Variants in CNTN5 observed in about 807,000 individuals in gnomAD.
CNTN5 encodes the protein contactin-5.
Under a neutral mutation model 129.1 loss-of-function variants are expected in CNTN5, and 77 were observed. The observed-to-expected ratio is 0.60, with a 90% CI of 0.50 to 0.72. The LOEUF (loss-of-function observed/expected upper bound fraction) is 0.72. CNTN5 is among the 30% of genes least tolerant of loss of function. The pLI, the probability that CNTN5 is intolerant of heterozygous loss-of-function variation, is 0.00. For synonymous variants in CNTN5, 509 were observed against 465.6 expected (o/e 1.09, Z -1.20); for missense variants, 1,478 against 1,328.8 (o/e 1.11, Z -1.75).
intron 1 of CNTN5, among the ~76,000 whole-genome samples, chr11:99,059,679 G>T (rs1864793801): frequency 6.6e-6 from 1 of 151,922 alleles, no homozygotes; most frequent in South Asian, 2.1e-4. Flanking sequence ...TGAGTTTCCA[G>T]TCTCTCTATT....
chr11:100,249,862 C>T (rs1949928508), intron 16 of CNTN5, among the ~76,000 whole-genome samples: 1 of 152,028 alleles, frequency 6.6e-6, no homozygotes, highest in African/African-American at 2.4e-5. Flanking sequence ...GAAGCTTATG[C>T]CAGGCAGCAT....
chr11:99,945,765 G>T (rs1283531479), intron 7 of CNTN5, among the ~76,000 whole-genome samples: 1 of 151,840 alleles, frequency 6.6e-6, no homozygotes, highest in Non-Finnish European at 1.5e-5. Context: ...TTTTTCTATG[G>T]TGCCACATTA....
intron 1 of CNTN5, among the ~76,000 whole-genome samples, chr11:99,251,871 C>T (rs1375268773): frequency 6.6e-6 from 1 of 151,866 alleles, no homozygotes; most frequent in Non-Finnish European, 1.5e-5. Context: ...GTGAGGAAAA[C>T]AGTGAGAGAG....
rs911704956 is a variant in CNTN5, at chr11:99,747,648, A to AT, written c.56-71890dup. 4.0e-3 allele frequency among the ~76,000 whole-genome samples: 598 copies of AT among 150,664 alleles called. 6 individuals carry two copies. The highest frequency in any genetic ancestry group is 0.014 in the African/African-American group (579 of 41,100). On this transcript the variant is annotated intron_variant, in intron 3 of 24. Coordinates refer to ENST00000524871, the MANE Select transcript of CNTN5 (RefSeq NM_014361.4). Reference sequence around the variant, plus strand: ...CCATGCCTGGCTAACTTTTTTTTGTATTTTTTAGTAGAGACGAGGTTTCAC... The same window carrying AT: ...CCATGCCTGGCTAACTTTTTTTTGTATTTTTTTAGTAGAGACGAGGTTTCAC...
intron 3 of CNTN5, among the ~76,000 whole-genome samples, chr11:99,651,583 TTTTG>T (rs1379134018): frequency 6.6e-6 from 1 of 151,964 alleles, no homozygotes; most frequent in Non-Finnish European, 1.5e-5. Flanking sequence ...TTGTAAAATA[TTTTG>T]TTTTATTTTT....
At chr11:99,851,237 G>T (rs1418651265) in intron 6 of CNTN5, among the ~76,000 whole-genome samples, 1 of 152,096 alleles carries the variant, frequency 6.6e-6, no homozygotes, top group Non-Finnish European at 1.5e-5. Flanking sequence ...CAAGGGTGTA[G>T]TAAAAATTAA....
At chr11:100,058,908 G>A (rs1943351266) in intron 9 of CNTN5, among the ~76,000 whole-genome samples, 1 of 152,114 alleles carries the variant, frequency 6.6e-6, no homozygotes, top group African/African-American at 2.4e-5. Context: ...GAGGCATTTA[G>A]GACAGGTCTC....
chr11:99,775,270 C>A (rs1283736615), intron 3 of CNTN5, among the ~76,000 whole-genome samples: 1 of 151,976 alleles, frequency 6.6e-6, no homozygotes, highest in Non-Finnish European at 1.5e-5. Flanking sequence ...TTAATACGGT[C>A]ATTTTCATTT....
chr11:99,238,454 A>G (rs1207885995), intron 1 of CNTN5, among the ~76,000 whole-genome samples: 3 of 152,170 alleles, frequency 2.0e-5, no homozygotes, highest in African/African-American at 7.2e-5. Context: ...TGGGTCTTAC[A>G]CACCACTTCA....
intron 1 of CNTN5, among the ~76,000 whole-genome samples, chr11:99,215,409 A>C (rs1468518968): frequency 1.3e-5 from 2 of 152,128 alleles, no homozygotes; most frequent in Admixed American, 6.5e-5. Context: ...AGAAACAAAT[A>C]GATTTCGGAG....
At chr11:99,118,557 A>C (rs979595453) in intron 1 of CNTN5, among the ~76,000 whole-genome samples, 8 of 152,136 alleles carry the variant, frequency 5.3e-5, no homozygotes, top group African/African-American at 1.9e-4. Flanking sequence ...CAGTGTCAAC[A>C]TTCATCCGAG....
chr11:99,806,485 A>AT (rs1163964860), intron 3 of CNTN5, among the ~76,000 whole-genome samples: 3 of 151,736 alleles, frequency 2.0e-5, no homozygotes, highest in South Asian at 2.1e-4. Context: ...TTCTGAATCC[A>AT]TTTTTTTTAA....
At chr11:100,170,702 C>T (rs1298375878) in intron 13 of CNTN5, among the ~76,000 whole-genome samples, 1 of 151,752 alleles carries the variant, frequency 6.6e-6, no homozygotes, top group Non-Finnish European at 1.5e-5. Flanking sequence ...TCCATGCTGT[C>T]TATGGTGGAG....
At chr11:99,444,192 CTG>C (rs1291117537) in intron 2 of CNTN5, among the ~76,000 whole-genome samples, 2 of 151,978 alleles carry the variant, frequency 1.3e-5, no homozygotes, top group East Asian at 3.9e-4. Flanking sequence ...GAGCAAAACT[CTG>C]TCTCAAAAAG....
chr11:99,255,038 A>G (rs1040906452), intron 1 of CNTN5, among the ~76,000 whole-genome samples: 5 of 151,988 alleles, frequency 3.3e-5, no homozygotes, highest in African/African-American at 1.2e-4. Flanking sequence ...TACTTATCCA[A>G]CAAGAACAAA....
chr11:100,267,467 T>C (rs1031006311), intron 17 of CNTN5, among the ~76,000 whole-genome samples: 1 of 152,156 alleles, frequency 6.6e-6, no homozygotes, highest in Non-Finnish European at 1.5e-5. Flanking sequence ...CATTAGTCCA[T>C]AGCAGGAAGG....
At chr11:99,523,224 G>A (rs1947334640) in intron 2 of CNTN5, among the ~76,000 whole-genome samples, 1 of 152,152 alleles carries the variant, frequency 6.6e-6, no homozygotes, top group South Asian at 2.1e-4. Flanking sequence ...TGCGTACATT[G>A]AGTATACTCT....
chr11:99,641,419 C>T (rs1233176897), intron 3 of CNTN5, among the ~76,000 whole-genome samples: 2 of 152,012 alleles, frequency 1.3e-5, no homozygotes, highest in Non-Finnish European at 2.9e-5. Flanking sequence ...ATCCTCCTCC[C>T]GGCCTGGTTC....
intron 15 of CNTN5, among the ~76,000 whole-genome samples, chr11:100,207,050 T>C (rs914955539): frequency 6.6e-6 from 1 of 152,140 alleles, no homozygotes; most frequent in African/African-American, 2.4e-5. Context: ...TGGTTACCTG[T>C]AATGTGTACA....
Sources: gnomAD v4.1 joint callset for allele counts (sites outside exome capture counted in the v4.1 genomes callset) on GRCh38, gnomAD v4.1.1 for gene constraint, MANE v1.5 for transcripts, NCBI Gene and HGNC (gene_info 2026-07-23, HGNC 2026-07-21) for gene names.